The following SRR variants were observed in gnomAD, a reference collection of about 807,000 sequenced individuals.
SRR encodes serine racemase.
In SRR, 19 loss-of-function variants were observed where a neutral mutation model predicts 32.7. The observed-to-expected ratio is 0.58, with a 90% CI of 0.40 to 0.85. The LOEUF (loss-of-function observed/expected upper bound fraction) is 0.85. Among genes scored for constraint, SRR ranks in the 40% least tolerant of loss-of-function variants. The pLI is 0.00. For synonymous variants in SRR, 142 were observed against 140.9 expected, an observed-to-expected ratio of 1.01 and a Z score of -0.06; for missense variants, 373 against 404.7, an observed-to-expected ratio of 0.92 and a Z score of 0.67.
rs2075548568 is a variant in SRR at position 2,323,201 on chromosome 17, C to T, written c.660C>T (p.Ser220=). The T allele has an allele frequency of 4.3e-6, 7 of 1,614,056 alleles. No individual in the cohort carries two copies. Among genetic ancestry groups the T allele is most frequent in the Non-Finnish European group, 5.9e-6 (7 of 1,180,036 alleles). Residue 220 remains serine, a synonymous_variant, in exon 7 of 8, where the codon TCC becomes TCT. Transcript: ENST00000344595. ...CAAATGCAGATGACTGCTACCAGTC[C>T]AAGCTGAAGGGGAAACTGATGCCCA... ...EPSNADDCYQ[S]KLKGKLMPNL...
chr17:2,319,994 A>G (rs1035825148), intron 4 of SRR, among the ~76,000 whole-genome samples: 3 of 144,128 alleles, frequency 2.1e-5, no homozygotes, highest in Non-Finnish European at 4.6e-5. Flanking sequence ...AATTTTTTCT[A>G]TTTTTAGTAG....
intron 1 of SRR, chr17:2,307,055 A>T: frequency 8.3e-7 from 1 of 1,208,478 alleles, no homozygotes. Flanking sequence ...CAAAGACCAG[A>T]TGCCCACTTA....
chr17:2,306,497 A>G (rs562949263), intron 1 of SRR, among the ~76,000 whole-genome samples: 1 of 152,234 alleles, frequency 6.6e-6, no homozygotes, highest in Admixed American at 6.5e-5. Flanking sequence ...TGGGCAGATC[A>G]CTTGAGGTCA....
At position 2,324,791 on chromosome 17, in the gene SRR, C is replaced by CCA; in HGVS notation, c.*918_*919insCA. ...TTGATGACCATTCTGTCTGGATCTACTGACATAAGATGGCCTGTAGCAATG... is the reference window on the plus strand; with the variant it reads ...TTGATGACCATTCTGTCTGGATCTACCATGACATAAGATGGCCTGTAGCAATG... On this transcript the variant is annotated 3_prime_UTR_variant, in exon 8 of 8. Transcript: ENST00000344595. 1.2e-6 allele frequency: 2 copies of CCA among 1,614,102 alleles called. No homozygotes were observed. Among genetic ancestry groups the CCA allele is most frequent in the South Asian group, 2.2e-5 (2 of 91,052 alleles).
chr17:2,322,206 GGT>G (rs1391940505), intron 6 of SRR, among the ~76,000 whole-genome samples: 8 of 152,174 alleles, frequency 5.3e-5, no homozygotes, highest in Non-Finnish European at 1.2e-4. Context: ...TAGGATTACA[GGT>G]GTGAGCCACC....
In SRR at chr17:2,324,199, C is replaced by T. The variant is rs765672056; in HGVS notation, c.*326C>T. On this transcript the variant is annotated 3_prime_UTR_variant, in exon 8 of 8. Transcript: ENST00000344595. ...AGACAGAATCTCTTTGAATCCATTA[C>T]TCCATGCCCCCTTGAGGCACTGTTG... The T allele has an allele frequency of 2.0e-6, 3 of 1,520,278 alleles. No homozygotes were observed. The highest frequency in any genetic ancestry group is 1.8e-6 in the Non-Finnish European group (2 of 1,138,882). The allele number at this position is 1,520,278 out of a possible 1,614,324, so 94.2% of individuals were successfully genotyped here.
Position 2,323,148 on chromosome 17 carries a change from A to G in SRR, c.607A>G (p.Ser203Gly). Reference protein sequence around the residue: ...IAITVKALKPSVKVYAAEPSN... With the variant: ...IAITVKALKPGVKVYAAEPSN... ...TTCCTCTTCCCAGGCTCTGAAACCT[A>G]GTGTGAAGGTATATGCTGCTGAACC... The change falls in exon 7 of 8, where the codon AGT (serine) becomes GGT (glycine). Residue 203 changes from serine (S) to glycine (G), a missense_variant. Coordinates refer to ENST00000344595, the MANE Select transcript of SRR (RefSeq NM_021947.3). 6.2e-7 allele frequency: 1 copy of G among 1,614,156 alleles called. No homozygotes were observed. Among genetic ancestry groups the G allele is most frequent in the Non-Finnish European group, 8.5e-7 (1 of 1,180,000 alleles).
chr17:2,316,764 G>C (rs2075476259), intron 2 of SRR, among the ~76,000 whole-genome samples: 1 of 152,042 alleles, frequency 6.6e-6, no homozygotes, highest in Non-Finnish European at 1.5e-5. Context: ...CCAGGCTGGA[G>C]TGCAGTGGCA....
intron 1 of SRR, among the ~76,000 whole-genome samples, chr17:2,312,682 CTG>C (rs1016231702): frequency 6.6e-5 from 10 of 152,282 alleles, no homozygotes; most frequent in Non-Finnish European, 8.8e-5. Context: ...TCCATCAAAA[CTG>C]TTGTTGGGAG....
chr17:2,304,372 C>CTGTCTACTAT (rs1567771253), intron 1 of SRR, among the ~76,000 whole-genome samples: 3 of 134,462 alleles, frequency 2.2e-5, no homozygotes, highest in Non-Finnish European at 4.8e-5. Flanking sequence ...CTGCCTCAGC[C>CTGTCTACTAT]TCCCTAGTAG....
chr17:2,308,096 G>T lies in SRR; in HGVS notation c.-5+4079G>T, dbSNP rs565549852. Among the ~76,000 whole-genome samples the T allele has an allele frequency of 2.0e-5, 3 of 149,492 alleles. No homozygotes were observed. In the East Asian group the frequency reaches 5.8e-4, roughly 29 times the overall value. On this transcript the variant is annotated intron_variant, in intron 1 of 7. Transcript: ENST00000344595. ...ACCACCAATTTTAAATAATTCATGGGTCAAAAAAGAAAACAAGACTAAAAT... is the reference window on the plus strand; with the variant it reads ...ACCACCAATTTTAAATAATTCATGGTTCAAAAAAGAAAACAAGACTAAAAT...
chr17:2,323,480 G>A (rs915336744), intron 7 of SRR, 135 bp downstream of exon 7: 8 of 1,171,228 alleles, frequency 6.8e-6, no homozygotes, highest in Non-Finnish European at 9.7e-6. Flanking sequence ...TACCCTAGAT[G>A]TATTAATGAC....
Position 2,323,578 on chromosome 17 carries a change from G to A in SRR, c.805-77G>A, listed in dbSNP as rs570963841. 74 of 1,449,236 alleles carry A rather than the reference G, an allele frequency of 5.1e-5. 1 individual carries two copies. The South Asian group carries it at 6.8e-4, about 13-fold the overall frequency. The allele number at this position is 1,449,236 out of a possible 1,614,324, so 89.8% of individuals were successfully genotyped here. A position where few individuals can be genotyped will look rare whatever the true frequency, so the allele number is the denominator to read the frequency against. On this transcript the variant is annotated intron_variant, in intron 7 of 7. Coordinates refer to ENST00000344595, the MANE Select transcript of SRR (RefSeq NM_021947.3). ...TGATAAGAAAATTCAAACTGGACAC[G>A]TATTCTCATCTGAACTTTATAGGTA...
intron 1 of SRR, among the ~76,000 whole-genome samples, chr17:2,306,507 A>G (rs2075391439): frequency 6.6e-6 from 1 of 152,150 alleles, no homozygotes; most frequent in Non-Finnish European, 1.5e-5. Flanking sequence ...ACTTGAGGTC[A>G]GGAGTTCGAG....
At chr17:2,305,123 G>A (rs981160457) in intron 1 of SRR, among the ~76,000 whole-genome samples, 4 of 152,212 alleles carry the variant, frequency 2.6e-5, no homozygotes, top group Non-Finnish European at 5.9e-5. Flanking sequence ...TAAGAAGAAA[G>A]TCAGTAGATG....
chr17:2,309,240 G>C (rs1383035073), intron 1 of SRR, among the ~76,000 whole-genome samples: 1 of 152,160 alleles, frequency 6.6e-6, no homozygotes, highest in Non-Finnish European at 1.5e-5. Context: ...TGGGATTACA[G>C]GTGTGAGCCA....
At chr17:2,304,314 C>T (rs1340274873) in intron 1 of SRR, among the ~76,000 whole-genome samples, 1 of 151,602 alleles carries the variant, frequency 6.6e-6, no homozygotes, top group Non-Finnish European at 1.5e-5. Flanking sequence ...TGCAGTGGCG[C>T]GGTCTCGGCT....
intron 1 of SRR, among the ~76,000 whole-genome samples, chr17:2,305,510 A>G (rs1432615451): frequency 6.6e-6 from 1 of 152,232 alleles, no homozygotes; most frequent in African/African-American, 2.4e-5. Context: ...ATTAAATACG[A>G]GTTCCAGAAG....
At chr17:2,318,607 C>T (rs1471696200) in intron 3 of SRR, among the ~76,000 whole-genome samples, 4 of 148,964 alleles carry the variant, frequency 2.7e-5, no homozygotes, top group African/African-American at 9.9e-5. Flanking sequence ...GAGCCTGCCA[C>T]CATGCCTGGC....
Sources: gnomAD v4.1 joint callset for allele counts (sites outside exome capture counted in the v4.1 genomes callset) on GRCh38, gnomAD v4.1.1 for gene constraint, MANE v1.5 for transcripts, NCBI Gene and HGNC (gene_info 2026-07-23, HGNC 2026-07-21) for gene names.